Variants in FOXK1 observed in about 807,000 individuals in gnomAD.
The protein encoded by FOXK1 is forkhead box K1, also known as forkhead box protein K1.
A neutral mutation model predicts 51.9 loss-of-function variants in FOXK1; 19 were observed. The observed-to-expected ratio is 0.37, with a 90% CI of 0.26 to 0.54. The LOEUF is 0.54. FOXK1 is among the 20% of genes least tolerant of loss of function. The pLI, the probability that FOXK1 is intolerant of heterozygous loss-of-function variation, is 0.87. For missense variants in FOXK1, 870 were observed against 1,032.7 expected (o/e 0.84, Z 2.16); for synonymous variants, 537 against 482.6 (o/e 1.11, Z -1.48).
Position 4,685,435 on chromosome 7 carries a change from CG to C in FOXK1, c.560+2568del, listed in dbSNP as rs765543544. Among the ~76,000 whole-genome samples the C allele has an allele frequency of 1.1e-4, 17 of 151,576 alleles. No homozygotes were observed. The South Asian group carries it at 3.5e-3, about 32-fold the overall frequency. ...TTCACCGTGTTAGCCAAGATGGTCT[CG>C]ATCTCCTGACCTCGTGATCTGCCTG... On this transcript the variant is annotated intron_variant, in intron 1 of 8. Coordinates refer to ENST00000328914, the MANE Select transcript of FOXK1 (RefSeq NM_001037165.2).
chr7:4,728,604 C>CT (rs1322485849), intron 1 of FOXK1, among the ~76,000 whole-genome samples: 3 of 152,020 alleles, frequency 2.0e-5, no homozygotes, highest in Non-Finnish European at 4.4e-5. Flanking sequence ...CAGGAACCTG[C>CT]TACCAGCTAG....
intron 1 of FOXK1, among the ~76,000 whole-genome samples, chr7:4,740,428 T>G (rs1244031287): frequency 1.7e-5 from 2 of 118,870 alleles, no homozygotes; most frequent in Non-Finnish European, 3.4e-5. Context: ...AGACTCCCTC[T>G]CAAAAAAAAA....
chr7:4,761,052 C>G lies in FOXK1; in HGVS notation c.1697-12C>G, dbSNP rs1452732424. The stretch of plus-strand genomic sequence containing the variant: ...GGCCGAGTGTGGTGCTGACTTGGTT[C>G]CTGTCCCGCAGGCCTGGAGGAGAAA... On this transcript the variant is annotated splice_polypyrimidine_tract_variant and intron_variant, in intron 7 of 8. Transcript: ENST00000328914. This position sits in a 1 kb window ranked among gnomAD's most constrained non-coding sequence, Gnocchi z 6.2. The G allele has an allele frequency of 6.2e-7, 1 of 1,606,692 alleles. No individual in the cohort carries two copies. Among genetic ancestry groups the G allele is most frequent in the Admixed American group, 1.7e-5 (1 of 59,916 alleles).
In FOXK1 at chr7:4,755,253, C is replaced by G; in HGVS notation, c.920C>G (p.Pro307Arg). The G allele has an allele frequency of 1.2e-6, 2 of 1,613,970 alleles. No homozygotes were observed. Among genetic ancestry groups the G allele is most frequent in the South Asian group, 1.1e-5 (1 of 91,090 alleles). Reference protein sequence around the residue: ...GDSPKDESKPPFSYAQLIVQA... With the variant: ...GDSPKDESKPRFSYAQLIVQA... The stretch of plus-strand genomic sequence containing the variant: ...TCTCCGCAGGATGAGTCAAAGCCGC[C>G]GTTCTCCTACGCGCAGCTGATCGTG... The change falls in exon 4 of 9, where the codon CCG becomes CGG. Residue 307 changes from proline to arginine, a missense_variant. Around this residue, in one of 3 missense-constraint regions of FOXK1, gnomAD observed 399 missense variants for 475.6 expected, o/e 0.84. Transcript: ENST00000328914. The surrounding 1 kb of genome is among the most constrained non-coding windows in gnomAD (Gnocchi z 6.6).
chr7:4,708,352 C>T (rs1389174595), intron 1 of FOXK1, among the ~76,000 whole-genome samples: 1 of 152,200 alleles, frequency 6.6e-6, no homozygotes, highest in Non-Finnish European at 1.5e-5. Flanking sequence ...CCCCGTGGAT[C>T]GGGATCCGGC....
chr7:4,735,267 C>A lies in FOXK1; in HGVS notation c.561-5571C>A, dbSNP rs1481046194. Reference sequence around the variant, plus strand: ...CCCAACTTCCAGGAGCCATCAGCTTCTGGGTGGACCTGGGAAAAACCCAGG... The same window carrying A: ...CCCAACTTCCAGGAGCCATCAGCTTATGGGTGGACCTGGGAAAAACCCAGG... On this transcript the variant is annotated intron_variant, in intron 1 of 8. Transcript: ENST00000328914. The surrounding 1 kb of genome is among the most constrained non-coding windows in gnomAD (Gnocchi z 4.7). 6.6e-6 allele frequency among the ~76,000 whole-genome samples: 1 copy of A among 152,172 alleles called. No homozygotes were observed. Among genetic ancestry groups the A allele is most frequent in the African/African-American group, 2.4e-5 (1 of 41,456 alleles).
In FOXK1 at chr7:4,687,227, C is replaced by T. The variant is rs763544390; in HGVS notation, c.560+4359C>T. Among the ~76,000 whole-genome samples the T allele has an allele frequency of 9.2e-5, 14 of 151,956 alleles. No homozygotes were observed. In the Middle Eastern group the frequency reaches 0.014, roughly 148 times the overall value. On this transcript the variant is annotated intron_variant, in intron 1 of 8. Coordinates refer to ENST00000328914, the MANE Select transcript of FOXK1 (RefSeq NM_001037165.2). ...GATTACAGGCGTGAGCCACCACGCC[C>T]GGCCTTTTTTTTCCTTTTTACATAG...
intron 1 of FOXK1, among the ~76,000 whole-genome samples, chr7:4,686,845 C>T (rs146512561): frequency 2.9e-4 from 43 of 149,008 alleles, no homozygotes; most frequent in African/African-American, 1.0e-3. Flanking sequence ...ATTCAGACAG[C>T]CTTCTTCGGT....
At chr7:4,728,304 C>G (rs745913344) in intron 1 of FOXK1, among the ~76,000 whole-genome samples, 5 of 152,244 alleles carry the variant, frequency 3.3e-5, no homozygotes, top group African/African-American at 4.8e-5. Context: ...AATCATTTCT[C>G]TGTGGTTTTT....
At position 4,761,165 on chromosome 7, in the gene FOXK1, A is replaced by G; in HGVS notation, c.1798A>G (p.Thr600Ala). 1 of 1,612,682 alleles carries G rather than the reference A, an allele frequency of 6.2e-7. No homozygotes were observed. Among genetic ancestry groups the G allele is most frequent in the Non-Finnish European group, 8.5e-7 (1 of 1,180,004 alleles). Residue 600 changes from threonine to alanine, a missense_variant, in exon 8 of 9, where the codon ACG becomes GCG. Physicochemically the swap from Thr to Ala is moderately conservative, Grantham distance 58. Coordinates refer to ENST00000328914, the MANE Select transcript of FOXK1 (RefSeq NM_001037165.2). The surrounding 1 kb of genome is among the most constrained non-coding windows in gnomAD (Gnocchi z 6.2). ...SQMAPGVPGH[T>A]VTILQPATPV... ...GATGGCCCCCGGGGTCCCCGGACAC[A>G]CGGTCACCATCCTGCAGCCCGCCAC...
chr7:4,732,923 T>TG (rs1780502055), intron 1 of FOXK1, among the ~76,000 whole-genome samples: 1 of 152,206 alleles, frequency 6.6e-6, no homozygotes, highest in African/African-American at 2.4e-5. Flanking sequence ...TATTGTGAAT[T>TG]GATCTCTGGA....
intron 2 of FOXK1, among the ~76,000 whole-genome samples, chr7:4,746,733 C>G (rs1392731450): frequency 6.6e-6 from 1 of 152,164 alleles, no homozygotes; most frequent in Non-Finnish European, 1.5e-5. Flanking sequence ...TGCAGCCTTC[C>G]GTGTGTTTTC....
At position 4,761,361 on chromosome 7, in the gene FOXK1, A is replaced by G; in HGVS notation, c.1921+73A>G. On this transcript the variant is annotated intron_variant, in intron 8 of 8. Transcript: ENST00000328914. The surrounding 1 kb of genome is among the most constrained non-coding windows in gnomAD (Gnocchi z 6.2). The stretch of plus-strand genomic sequence containing the variant: ...TCCCAGTAGTCAGTGCGGCATGAGA[A>G]TGTTCTCCCAGTATCTCCCGATCCT... The G allele has an allele frequency of 7.1e-7, 1 of 1,408,416 alleles. No homozygotes were observed. The highest frequency in any genetic ancestry group is 9.8e-7 in the Non-Finnish European group (1 of 1,025,224). The allele number at this position is 1,408,416 out of a possible 1,614,324, so 87.2% of individuals were successfully genotyped here. A position where few individuals can be genotyped will look rare whatever the true frequency, so the allele number is the denominator to read the frequency against.
Position 4,766,782 on chromosome 7 carries a change from C to G in FOXK1, c.*4318C>G, listed in dbSNP as rs1337690441. On this transcript the variant is annotated 3_prime_UTR_variant, in exon 9 of 9. Transcript: ENST00000328914. This position sits in a 1 kb window ranked among gnomAD's most constrained non-coding sequence, Gnocchi z 5.5. ...TCACAGGCATCATTCAGCGAATGCT[C>G]TTGTGTCCTCTGCATAAAGAGGGCC... 2 of 152,186 alleles carry G rather than the reference C, an allele frequency of 1.3e-5. No homozygotes were observed. The highest frequency in any genetic ancestry group is 2.9e-5 in the Non-Finnish European group (2 of 68,052). The allele number at this position is 152,186 out of a possible 1,614,324, so 9.4% of individuals were successfully genotyped here.
At position 4,682,683 on chromosome 7, in the gene FOXK1, C is replaced by A; in HGVS notation, c.375C>A (p.Ile125=). The change falls in exon 1 of 9, where the codon ATC becomes ATA. Residue 125 remains isoleucine (I), a synonymous_variant. Transcript: ENST00000328914. The surrounding 1 kb of genome is among the most constrained non-coding windows in gnomAD (Gnocchi z 7.6). ...TCATGCGCCAGCCCAGCGTCACCAT[C>A]GGCCGCAACTCGTCGCAGGGCTCGG... ...EFLMRQPSVT[I]GRNSSQGSVD... The A allele has an allele frequency of 6.3e-7, 1 of 1,599,248 alleles. No homozygotes were observed. The highest frequency in any genetic ancestry group is 8.5e-7 in the Non-Finnish European group (1 of 1,176,900).
chr7:4,693,264 A>G (rs73674029), intron 1 of FOXK1, among the ~76,000 whole-genome samples: 1 of 152,304 alleles, frequency 6.6e-6, no homozygotes, highest in African/African-American at 2.4e-5. Flanking sequence ...CGAACCCAAT[A>G]AACTCTGTTT....
intron 1 of FOXK1, among the ~76,000 whole-genome samples, chr7:4,710,093 G>A (rs1405840525): frequency 6.6e-6 from 1 of 152,170 alleles, no homozygotes; most frequent in African/African-American, 2.4e-5. Flanking sequence ...TCAGTTTCTT[G>A]GTTTCCTCAT....
chr7:4,707,056 C>A lies in FOXK1; in HGVS notation c.560+24188C>A, dbSNP rs886162788. On this transcript the variant is annotated intron_variant, in intron 1 of 8. Coordinates refer to ENST00000328914, the MANE Select transcript of FOXK1 (RefSeq NM_001037165.2). This position sits in a 1 kb window ranked among gnomAD's most constrained non-coding sequence, Gnocchi z 4.1. ...TCTTCTTAAAATAAAAGACTAAAAACTAACGGTTGCTTCCTGCCTTTGTCC... is the reference window on the plus strand; with the variant it reads ...TCTTCTTAAAATAAAAGACTAAAAAATAACGGTTGCTTCCTGCCTTTGTCC... Among the ~76,000 whole-genome samples the A allele has an allele frequency of 6.6e-6, 1 of 152,250 alleles. No individual in the cohort carries two copies. Among genetic ancestry groups the A allele is most frequent in the Non-Finnish European group, 1.5e-5 (1 of 68,052 alleles).
intron 1 of FOXK1, among the ~76,000 whole-genome samples, chr7:4,705,186 A>T (rs531877435): frequency 6.6e-6 from 1 of 151,314 alleles, no homozygotes; most frequent in African/African-American, 2.4e-5. Flanking sequence ...TCAGAATTTT[A>T]TTGTTTTGTT....
Sources: gnomAD v4.1 joint callset for allele counts (sites outside exome capture counted in the v4.1 genomes callset) on GRCh38, gnomAD v4.1.1 for gene constraint, gnomAD v4.1.1 regional missense constraint, Gnocchi (gnomAD v3.1) non-coding constraint, MANE v1.5 for transcripts, NCBI Gene and HGNC (gene_info 2026-07-23, HGNC 2026-07-21) for gene names.